FBXL17: variants seen among roughly 807,000 people sequenced by gnomAD.
FBXL17 encodes the protein F-box/LRR-repeat protein 17.
A neutral mutation model predicts 66.2 loss-of-function variants in FBXL17; 22 were observed. That is an observed-to-expected ratio of 0.33 (90% CI 0.24 to 0.47). The LOEUF (loss-of-function observed/expected upper bound fraction) is 0.47, where lower values mean the gene tolerates loss of function less well. FBXL17 is among the 20% of genes least tolerant of loss of function. The probability of loss-of-function intolerance (pLI) is 1.00; values close to 1 mark genes in which losing one functional copy is unlikely to be tolerated. For missense variants in FBXL17, 878 were observed against 948.2 expected (o/e 0.93, Z 0.97); for synonymous variants, 474 against 400.5 (o/e 1.18, Z -2.19).
intron 7 of FBXL17, among the ~76,000 whole-genome samples, chr5:107,929,028 C>T (rs1262906569): frequency 6.6e-6 from 1 of 152,066 alleles, no homozygotes; most frequent in African/African-American, 2.4e-5. Context: ...TACCATTTAC[C>T]TTTCTTTACA....
chr5:108,083,835 G>T (rs1748869666), intron 6 of FBXL17, among the ~76,000 whole-genome samples: 2 of 152,118 alleles, frequency 1.3e-5, no homozygotes, highest in Non-Finnish European at 2.9e-5. Flanking sequence ...AAACAGAGCA[G>T]ACAGCTGTAT....
chr5:107,878,376 T>G (rs1388317532), intron 8 of FBXL17: 2 of 802,150 alleles, frequency 2.5e-6, no homozygotes, highest in East Asian at 1.3e-4. Flanking sequence ...ACAGAGCATT[T>G]TATATATAAT....
intron 7 of FBXL17, 93 bp downstream of exon 7, chr5:108,020,832 T>C (rs889081098): frequency 2.2e-6 from 2 of 893,692 alleles, no homozygotes; most frequent in African/African-American, 1.6e-5. Context: ...AGACAGTCTC[T>C]ATGATATAGT....
chr5:108,285,807 G>T (rs974507054), intron 4 of FBXL17, among the ~76,000 whole-genome samples: 4 of 150,782 alleles, frequency 2.7e-5, no homozygotes, highest in African/African-American at 9.7e-5. Context: ...TAATGGAAAG[G>T]TTTAAAAAAT....
intron 7 of FBXL17, among the ~76,000 whole-genome samples, chr5:107,934,165 A>G (rs547053213): frequency 2.6e-5 from 4 of 152,290 alleles, no homozygotes; most frequent in African/African-American, 9.6e-5. Context: ...TGACAAATCT[A>G]GGCTTTGGGA....
At chr5:108,286,835 C>T (rs1202863501) in intron 4 of FBXL17, among the ~76,000 whole-genome samples, 1 of 152,014 alleles carries the variant, frequency 6.6e-6, no homozygotes, top group Non-Finnish European at 1.5e-5. Context: ...CACAGCAATC[C>T]TAAGCAAAAA....
chr5:108,102,804 T>C (rs1430698515), intron 6 of FBXL17, among the ~76,000 whole-genome samples: 2 of 152,186 alleles, frequency 1.3e-5, no homozygotes, highest in Admixed American at 1.3e-4. Flanking sequence ...TGTTTAACCA[T>C]CTAAAGAATT....
intron 1 of FBXL17, among the ~76,000 whole-genome samples, chr5:108,370,328 CA>C (rs1285238571): frequency 4.3e-4 from 66 of 152,200 alleles, no homozygotes; most frequent in African/African-American, 1.6e-3. Flanking sequence ...TCTATATGGA[CA>C]AAAGTTGTAA....
chr5:108,282,332 A>AT (rs1757733596), intron 4 of FBXL17, among the ~76,000 whole-genome samples: 1 of 151,718 alleles, frequency 6.6e-6, no homozygotes, highest in Non-Finnish European at 1.5e-5. Flanking sequence ...AAGTGGGTTG[A>AT]ATGTATCAGG....
At chr5:108,197,674 T>C (rs1753732931) in intron 5 of FBXL17, among the ~76,000 whole-genome samples, 1 of 152,210 alleles carries the variant, frequency 6.6e-6, no homozygotes, top group African/African-American at 2.4e-5. Context: ...TCACTCATTA[T>C]TTCTAAATGT....
intron 7 of FBXL17, among the ~76,000 whole-genome samples, chr5:107,939,603 T>C (rs892982335): frequency 6.6e-6 from 1 of 152,162 alleles, no homozygotes; most frequent in African/African-American, 2.4e-5. Flanking sequence ...CTACCCTCAG[T>C]AGATTCTCAT....
intron 6 of FBXL17, among the ~76,000 whole-genome samples, chr5:108,121,047 T>C (rs1265718040): frequency 6.6e-6 from 1 of 152,206 alleles, no homozygotes; most frequent in Non-Finnish European, 1.5e-5. Flanking sequence ...AAAATCTTTT[T>C]GGCCGAGTGC....
intron 4 of FBXL17, among the ~76,000 whole-genome samples, chr5:108,332,231 A>T (rs977801208): frequency 6.6e-6 from 1 of 152,186 alleles, no homozygotes; most frequent in Admixed American, 6.5e-5. Flanking sequence ...GTTCCTGAGT[A>T]AATGTTCAAA....
intron 7 of FBXL17, among the ~76,000 whole-genome samples, chr5:107,904,189 T>C (rs1204522046): frequency 6.6e-6 from 1 of 152,160 alleles, no homozygotes; most frequent in Non-Finnish European, 1.5e-5. Context: ...ACTCACTCTT[T>C]TGTCTCTAAA....
chr5:108,215,549 C>T (rs1471495039), intron 5 of FBXL17, among the ~76,000 whole-genome samples: 2 of 152,116 alleles, frequency 1.3e-5, no homozygotes, highest in Non-Finnish European at 2.9e-5. Context: ...GTCTTTTGCA[C>T]ATTTAAAAAA....
At chr5:108,141,080 T>C (rs1751331635) in intron 6 of FBXL17, among the ~76,000 whole-genome samples, 1 of 152,158 alleles carries the variant, frequency 6.6e-6, no homozygotes. Flanking sequence ...CGGTGGCCCC[T>C]GTCTACCTTG....
intron 4 of FBXL17, among the ~76,000 whole-genome samples, chr5:108,278,660 G>A (rs1757579204): frequency 6.6e-6 from 1 of 152,214 alleles, no homozygotes; most frequent in Non-Finnish European, 1.5e-5. Flanking sequence ...AGGGAAAATG[G>A]AATGAGCCCC....
chr5:107,864,436 C>A (rs1300108718), intron 8 of FBXL17, among the ~76,000 whole-genome samples: 2 of 152,164 alleles, frequency 1.3e-5, no homozygotes, highest in Non-Finnish European at 2.9e-5. Context: ...GAGCAGATTC[C>A]AGAACTCTCC....
At chr5:108,075,184 C>G (rs1033676479) in intron 6 of FBXL17, among the ~76,000 whole-genome samples, 1 of 152,172 alleles carries the variant, frequency 6.6e-6, no homozygotes, top group South Asian at 2.1e-4. Flanking sequence ...CCACCCTGAG[C>G]TCAGTTGTCC....
Sources: gnomAD v4.1 joint callset for allele counts (sites outside exome capture counted in the v4.1 genomes callset) on GRCh38, gnomAD v4.1.1 for gene constraint, MANE v1.5 for transcripts, NCBI Gene and HGNC (gene_info 2026-07-23, HGNC 2026-07-21) for gene names.